Variants in GATAD2B observed in about 807,000 individuals in gnomAD.
GATAD2B encodes the protein transcriptional repressor p66-beta.
Under a neutral mutation model 64.3 loss-of-function variants are expected in GATAD2B, and 8 were observed. The observed-to-expected ratio is 0.12, with a 90% confidence interval of 0.07 to 0.22. The LOEUF (loss-of-function observed/expected upper bound fraction) is 0.22. Ranked by LOEUF, GATAD2B falls within the 10% of genes least tolerant of loss-of-function variation. The pLI is 1.00. For missense variants in GATAD2B, 453 were observed against 752.0 expected (o/e 0.60, Z 4.65); for synonymous variants, 281 against 271.3 (o/e 1.04, Z -0.35).
chr1:153,819,176 A>G (rs894329173), intron 3 of GATAD2B, among the ~76,000 whole-genome samples: 1 of 152,252 alleles, frequency 6.6e-6, no homozygotes, highest in Non-Finnish European at 1.5e-5. Flanking sequence ...AAAAAGAAGA[A>G]TGACTAAAGA....
At chr1:153,869,594 TTCA>T (rs1021319272) in intron 1 of GATAD2B, among the ~76,000 whole-genome samples, 3 of 152,086 alleles carry the variant, frequency 2.0e-5, no homozygotes, top group African/African-American at 7.2e-5. Context: ...ATGTTCCAGG[TTCA>T]TCATCTTTTT....
intron 1 of GATAD2B, among the ~76,000 whole-genome samples, chr1:153,913,245 G>C (rs1184068632): frequency 2.6e-5 from 4 of 152,052 alleles, no homozygotes; most frequent in Non-Finnish European, 5.9e-5. Context: ...ATTTCTTAAA[G>C]TTTTGATTTA....
intron 10 of GATAD2B, 77 bp from the exon 11 acceptor site, chr1:153,810,387 G>A (rs1674254122): frequency 1.4e-6 from 2 of 1,474,826 alleles, no homozygotes; most frequent in African/African-American, 2.8e-5. Flanking sequence ...CCCTCGGGCT[G>A]CAGAGTTGGA....
At chr1:153,897,103 A>G (rs1677621226) in intron 1 of GATAD2B, among the ~76,000 whole-genome samples, 1 of 148,050 alleles carries the variant, frequency 6.8e-6, no homozygotes, top group Non-Finnish European at 1.5e-5. Context: ...ATCTCGGCTC[A>G]CTGCAGGCTC....
chr1:153,843,834 C>G (rs1248250684), intron 1 of GATAD2B, among the ~76,000 whole-genome samples: 1 of 147,656 alleles, frequency 6.8e-6, no homozygotes, highest in Non-Finnish European at 1.5e-5. Context: ...AAAAAAAAAC[C>G]CAAACAAAAA....
chr1:153,809,032 T>C lies in GATAD2B; in HGVS notation c.*1145A>G, dbSNP rs1465665940. ...CTCAGAGGGTGAAAGAATAGGCAAA[T>C]ATGCGAATCTCAACTGTTGGAAGAG... On this transcript the variant is annotated 3_prime_UTR_variant, in exon 11 of 11. Transcript: ENST00000368655. The C allele has an allele frequency of 6.6e-6, 1 of 152,080 alleles. No homozygotes were observed. The highest frequency in any genetic ancestry group is 1.5e-5 in the Non-Finnish European group (1 of 68,032). The allele number at this position is 152,080 out of a possible 1,614,324, so 9.4% of individuals were successfully genotyped here. A position where few individuals can be genotyped will look rare whatever the true frequency, so the allele number is the denominator to read the frequency against.
At chr1:153,812,878 T>C (rs1674341827) in intron 8 of GATAD2B, among the ~76,000 whole-genome samples, 1 of 152,240 alleles carries the variant, frequency 6.6e-6, no homozygotes, top group South Asian at 2.1e-4. Context: ...TAATTCACTC[T>C]TTCTTTCGTC....
chr1:153,849,682 G>A (rs1029464866), intron 1 of GATAD2B, among the ~76,000 whole-genome samples: 8 of 152,110 alleles, frequency 5.3e-5, no homozygotes, highest in Non-Finnish European at 1.0e-4. Flanking sequence ...CCAGGCTGCA[G>A]TACAGTGGCG....
Position 153,827,983 on chromosome 1 carries a change from A to G in GATAD2B, c.335+30T>C, listed in dbSNP as rs138532021. 622 of 1,537,806 alleles carry G rather than the reference A, an allele frequency of 4.0e-4. 2 individuals are homozygous for G. In the African/African-American group the frequency reaches 7.8e-3, roughly 19 times the overall value. ...TTCACAGGCTTTATGAGACGACCCT[A>G]TCCCTGGAGGCAGCTGAACTGAGCC... On this transcript the variant is annotated intron_variant, in intron 2 of 10. Transcript: ENST00000368655.
At chr1:153,900,286 G>A (rs1677726172) in intron 1 of GATAD2B, among the ~76,000 whole-genome samples, 1 of 151,900 alleles carries the variant, frequency 6.6e-6, no homozygotes, top group African/African-American at 2.4e-5. Flanking sequence ...GGACGTGGTG[G>A]CACGCACCTG....
intron 1 of GATAD2B, among the ~76,000 whole-genome samples, chr1:153,841,655 T>C (rs1224076745): frequency 1.3e-5 from 2 of 152,206 alleles, no homozygotes; most frequent in African/African-American, 4.8e-5. Flanking sequence ...TGCTGAGTAG[T>C]ATTCCATGGT....
At chr1:153,881,245 A>G (rs1452937475) in intron 1 of GATAD2B, among the ~76,000 whole-genome samples, 1 of 152,104 alleles carries the variant, frequency 6.6e-6, no homozygotes, top group Non-Finnish European at 1.5e-5. Context: ...GCAGGGTTGG[A>G]GCTGACATGG....
chr1:153,902,845 C>A (rs935015554), intron 1 of GATAD2B, among the ~76,000 whole-genome samples: 9 of 152,120 alleles, frequency 5.9e-5, no homozygotes, highest in Non-Finnish European at 1.3e-4. Flanking sequence ...ATGTTTATAT[C>A]TTTTACATAC....
intron 1 of GATAD2B, among the ~76,000 whole-genome samples, 169 bp from the exon 2 acceptor site, chr1:153,828,517 T>C (rs1674965758): frequency 6.6e-6 from 1 of 151,978 alleles, no homozygotes; most frequent in South Asian, 2.1e-4. Flanking sequence ...CTAAGCTATG[T>C]CCTACCTGAT....
At chr1:153,902,209 A>G (rs896906207) in intron 1 of GATAD2B, among the ~76,000 whole-genome samples, 33 of 152,142 alleles carry the variant, frequency 2.2e-4, no homozygotes, top group African/African-American at 2.4e-5. Context: ...TGAACCCAGG[A>G]GGCGGAGGTT....
intron 1 of GATAD2B, among the ~76,000 whole-genome samples, chr1:153,859,302 G>T (rs1676191469): frequency 6.6e-6 from 1 of 151,518 alleles, no homozygotes. Flanking sequence ...GGGGGATCTA[G>T]TCTGTAGTGA....
At chr1:153,842,262 T>C (rs191405998) in intron 1 of GATAD2B, among the ~76,000 whole-genome samples, 4 of 152,356 alleles carry the variant, frequency 2.6e-5, no homozygotes, top group African/African-American at 7.2e-5. Flanking sequence ...CCATCTGTAA[T>C]TCTCTTCTGT....
intron 1 of GATAD2B, among the ~76,000 whole-genome samples, chr1:153,909,856 G>A (rs1234343650): frequency 6.6e-6 from 1 of 151,408 alleles, no homozygotes; most frequent in Non-Finnish European, 1.5e-5. Context: ...GCTGAGGCAG[G>A]AGAATCGCCT....
At chr1:153,838,505 C>T (rs1410583672) in intron 1 of GATAD2B, among the ~76,000 whole-genome samples, 1 of 151,238 alleles carries the variant, frequency 6.6e-6, no homozygotes, top group Non-Finnish European at 1.5e-5. Flanking sequence ...CGCCCTGCCT[C>T]TTTTTTTTTC....
Sources: allele counts gnomAD v4.1 joint callset (sites outside exome capture counted in the v4.1 genomes callset), GRCh38; gene constraint gnomAD v4.1.1; transcripts MANE v1.5; gene names NCBI Gene and HGNC (gene_info 2026-07-23, HGNC 2026-07-21).